SPPL2A: variants seen among roughly 807,000 people sequenced by gnomAD.
The protein encoded by SPPL2A is signal peptide peptidase-like 2A.
In SPPL2A, 51 loss-of-function variants were observed where a neutral mutation model predicts 63.8. The observed-to-expected ratio is 0.80, with a 90% CI of 0.64 to 1.01. SPPL2A has a LOEUF of 1.01. Among genes scored for constraint, SPPL2A ranks in the 50% least tolerant of loss-of-function variants. The pLI is 0.00. For synonymous variants in SPPL2A, 188 were observed against 205.8 expected (o/e 0.91, Z 0.74); for missense variants, 553 against 622.7 (o/e 0.89, Z 1.19).
rs750109682 is a variant in SPPL2A at position 50,722,181 on chromosome 15, T to C, written c.1270A>G (p.Arg424Gly). ...GAACCAGTCTGAACATCAAATCTTC[T>C]ACAGTATGCAATCAACAGGCCTTAA... ...IVPGLLIAYC[R>G]RFDVQTGSSY... The change falls in exon 13 of 15, where the codon AGA becomes GGA. Residue 424 changes from arginine (R) to glycine (G), a missense_variant. Physicochemically the swap from Arg to Gly is moderately radical, Grantham distance 125. Coordinates refer to ENST00000261854, the MANE Select transcript of SPPL2A (RefSeq NM_032802.4). 40 of 1,594,704 alleles carry C rather than the reference T, an allele frequency of 2.5e-5. No individual in the cohort carries two copies. Among genetic ancestry groups the C allele is most frequent in the Non-Finnish European group, 3.4e-5 (40 of 1,166,074 alleles).
chr15:50,747,397 T>C, intron 5 of SPPL2A, 98 bp downstream of exon 5: 1 of 1,006,652 alleles, frequency 9.9e-7, no homozygotes, highest in Non-Finnish European at 1.5e-6. Flanking sequence ...CATCATATTC[T>C]GAGGGCAGAT....
At chr15:50,732,531 G>A in intron 9 of SPPL2A, 72 bp downstream of exon 9, 1 of 903,504 alleles carries the variant, frequency 1.1e-6, no homozygotes, top group South Asian at 1.6e-5. Flanking sequence ...TTAATTGTAG[G>A]TAAATTATGC....
At chr15:50,753,902 T>A (rs2062931269) in intron 1 of SPPL2A, among the ~76,000 whole-genome samples, 1 of 152,240 alleles carries the variant, frequency 6.6e-6, no homozygotes, top group East Asian at 1.9e-4. Context: ...GTTCAAGCAA[T>A]TGTCCTGCCT....
chr15:50,702,716 A>G lies in SPPL2A; in HGVS notation c.*5084T>C, dbSNP rs1438318436. The G allele has an allele frequency of 6.6e-6, 1 of 152,196 alleles. No individual in the cohort carries two copies. The highest frequency in any genetic ancestry group is 1.9e-4 in the East Asian group (1 of 5,208). The allele number at this position is 152,196 out of a possible 1,614,324, so 9.4% of individuals were successfully genotyped here. A position where few individuals can be genotyped will look rare whatever the true frequency, so the allele number is the denominator to read the frequency against. On this transcript the variant is annotated 3_prime_UTR_variant, in exon 15 of 15. Transcript: ENST00000261854. The stretch of plus-strand genomic sequence containing the variant: ...TTATGCCTAATCAAAGAACCACATA[A>G]TGACATTTTGTGGGTTGCTCCTTAA...
intron 6 of SPPL2A, among the ~76,000 whole-genome samples, chr15:50,737,111 C>T (rs553534896): frequency 6.6e-6 from 1 of 152,168 alleles, no homozygotes; most frequent in South Asian, 2.1e-4. Context: ...GGGGTTTTGT[C>T]ATGTTGGCCA....
intron 6 of SPPL2A, among the ~76,000 whole-genome samples, 167 bp from the exon 7 acceptor site, chr15:50,736,907 G>GTTTTTTTT (rs35812835): frequency 1.3e-5 from 2 of 150,506 alleles, no homozygotes. Context: ...AGATCGTGAG[G>GTTTTTTTT]TTTTTTGTTT....
intron 14 of SPPL2A, among the ~76,000 whole-genome samples, chr15:50,714,844 G>A (rs928813804): frequency 1.3e-5 from 2 of 151,898 alleles, no homozygotes; most frequent in African/African-American, 4.8e-5. Flanking sequence ...TTGAGAGGCT[G>A]AGGCAGGAGA....
In SPPL2A at chr15:50,731,614, T is replaced by A. The variant is rs543005803; in HGVS notation, c.1015-575A>T. 2.6e-5 allele frequency among the ~76,000 whole-genome samples: 4 copies of A among 151,900 alleles called. No homozygotes were observed. The South Asian group carries it at 8.3e-4, about 32-fold the overall frequency. ...TGTTAAAGATTTTATGAATTTGGCA[T>A]ATTATATGAATGATTAAAAATATTT... On this transcript the variant is annotated intron_variant, in intron 9 of 14. Transcript: ENST00000261854.
intron 13 of SPPL2A, among the ~76,000 whole-genome samples, chr15:50,720,640 G>A (rs897310873): frequency 3.3e-5 from 5 of 150,614 alleles, no homozygotes; most frequent in Non-Finnish European, 7.4e-5. Flanking sequence ...CTGCCTCAGC[G>A]TCCCAAGTAG....
chr15:50,748,203 C>T lies in SPPL2A; in HGVS notation c.361-1G>A. 7.3e-7 allele frequency: 1 copy of T among 1,375,356 alleles called. No homozygotes were observed. Among genetic ancestry groups the T allele is most frequent in the South Asian group, 1.5e-5 (1 of 64,624 alleles). The allele number at this position is 1,375,356 out of a possible 1,614,324, so 85.2% of individuals were successfully genotyped here. On this transcript the variant is annotated splice_acceptor_variant, in intron 3 of 14. Coordinates refer to ENST00000261854, the MANE Select transcript of SPPL2A (RefSeq NM_032802.4). LOFTEE classifies it high-confidence loss of function. ...CAGATCTGTTACCTGAGGGAGGAAA[C>T]TAAAAAAGAAAAAATTATGAAAACT...
At chr15:50,765,433 C>A (rs1243211991) in intron 1 of SPPL2A, 35 bp downstream of exon 1, 1 of 1,488,020 alleles carries the variant, frequency 6.7e-7, no homozygotes, top group South Asian at 1.2e-5. Flanking sequence ...CCCGCCCAGC[C>A]CCTGGGAGGC....
intron 14 of SPPL2A, among the ~76,000 whole-genome samples, chr15:50,708,898 G>A (rs12912921): frequency 0.096 from 14,538 of 151,726 alleles, 784 homozygotes; most frequent in South Asian, 0.15. Flanking sequence ...TTAGCCAGGC[G>A]TGGTGGCAAG....
rs368934101 is a variant in SPPL2A, at chr15:50,708,135, A to G, written c.1489-261T>C. On this transcript the variant is annotated intron_variant, in intron 14 of 14. Coordinates refer to ENST00000261854, the MANE Select transcript of SPPL2A (RefSeq NM_032802.4). ...TCTTCCGTTATCTCCATTTCCCAAT[A>G]TGAATACTGCCCTTCATGGCAGTGA... Among the ~76,000 whole-genome samples the G allele has an allele frequency of 3.3e-5, 5 of 152,266 alleles. 1 individual carries two copies.
Position 50,703,489 on chromosome 15 carries a change from A to G in SPPL2A, c.*4311T>C, listed in dbSNP as rs1273324263. ...GCGATTCTCCTGCCTCAGTCTCCTG[A>G]GTAGCTGGGGTTACAGGCGAGCCCC... On this transcript the variant is annotated 3_prime_UTR_variant, in exon 15 of 15. Transcript: ENST00000261854. The G allele has an allele frequency of 6.7e-6, 1 of 148,460 alleles. No homozygotes were observed. Among genetic ancestry groups the G allele is most frequent in the Non-Finnish European group, 1.5e-5 (1 of 67,654 alleles). The allele number at this position is 148,460 out of a possible 1,614,324, so 9.2% of individuals were successfully genotyped here. A position where few individuals can be genotyped will look rare whatever the true frequency, so the allele number is the denominator to read the frequency against.
chr15:50,741,073 A>T (rs1004771278), intron 5 of SPPL2A, among the ~76,000 whole-genome samples: 1 of 152,014 alleles, frequency 6.6e-6, no homozygotes, highest in Non-Finnish European at 1.5e-5. Flanking sequence ...AACCCTTGCT[A>T]GGCCACAGAG....
rs1483105281 is a variant in SPPL2A, at chr15:50,712,242, A to G, written c.1489-4368T>C. Among the ~76,000 whole-genome samples the G allele has an allele frequency of 2.6e-5, 4 of 152,252 alleles. No homozygotes were observed. The East Asian group carries it at 5.8e-4, about 22-fold the overall frequency. ...AGATGTTAGTAAGTATTTAAAGTACAAAGTCTAAAAAATTACGGTGAAAGG... is the reference window on the plus strand; with the variant it reads ...AGATGTTAGTAAGTATTTAAAGTACGAAGTCTAAAAAATTACGGTGAAAGG... On this transcript the variant is annotated intron_variant, in intron 14 of 14. Coordinates refer to ENST00000261854, the MANE Select transcript of SPPL2A (RefSeq NM_032802.4).
intron 8 of SPPL2A, 28 bp downstream of exon 8, chr15:50,736,073 T>C: frequency 1.5e-6 from 2 of 1,378,638 alleles, no homozygotes. Flanking sequence ...ATCCTTAATC[T>C]AAAAGCAAAT....
Position 50,707,697 on chromosome 15 carries a change from T to C in SPPL2A, c.*103A>G, listed in dbSNP as rs1294689286. 3.0e-6 allele frequency: 2 copies of C among 657,584 alleles called. No homozygotes were observed. Among genetic ancestry groups the C allele is most frequent in the Non-Finnish European group, 5.5e-6 (2 of 363,686 alleles). 40.7% of individuals were successfully genotyped at this position (657,584 alleles called of 1,614,324 possible). A position where few individuals can be genotyped will look rare whatever the true frequency, so the allele number is the denominator to read the frequency against. On this transcript the variant is annotated 3_prime_UTR_variant, in exon 15 of 15. Coordinates refer to ENST00000261854, the MANE Select transcript of SPPL2A (RefSeq NM_032802.4). ...TCATAAAAATATATTTTTGCAAGCA[T>C]ATCATTGAAGACTCTTTCAGATTGT...
intron 10 of SPPL2A, among the ~76,000 whole-genome samples, chr15:50,727,193 G>T (rs1035127139): frequency 6.6e-6 from 1 of 152,160 alleles, no homozygotes; most frequent in Non-Finnish European, 1.5e-5. Flanking sequence ...AGCAGGTACA[G>T]GGAAGATAAA....
Sources: gnomAD v4.1 joint callset for allele counts (sites outside exome capture counted in the v4.1 genomes callset) on GRCh38, gnomAD v4.1.1 for gene constraint, MANE v1.5 for transcripts, NCBI Gene and HGNC (gene_info 2026-07-23, HGNC 2026-07-21) for gene names.